DPP6: variants seen among roughly 807,000 people sequenced by gnomAD.
The protein encoded by DPP6 is A-type potassium channel modulatory protein DPP6.
In DPP6, 69 loss-of-function variants were observed where a neutral mutation model predicts 122.6. The ratio of observed to expected loss-of-function variants is 0.56; its 90% confidence interval spans 0.46 to 0.69. The LOEUF (loss-of-function observed/expected upper bound fraction) is 0.69. Among genes scored for constraint, DPP6 ranks in the 30% least tolerant of loss-of-function variants. The probability of loss-of-function intolerance (pLI) is 0.00; values close to 1 mark genes in which losing one functional copy is unlikely to be tolerated. For synonymous variants in DPP6, 418 were observed against 433.1 expected (o/e 0.97, Z 0.43); for missense variants, 928 against 1,116.9 (o/e 0.83, Z 2.41).
At chr7:154,186,753 A>T (rs1433889141) in intron 1 of DPP6, among the ~76,000 whole-genome samples, 1 of 152,284 alleles carries the variant, frequency 6.6e-6, no homozygotes, top group Non-Finnish European at 1.5e-5. Flanking sequence ...AATGGGTGAT[A>T]TAATTACTCG....
intron 6 of DPP6, among the ~76,000 whole-genome samples, chr7:154,648,387 A>G (rs1374147993): frequency 1.3e-5 from 2 of 152,058 alleles, no homozygotes; most frequent in Non-Finnish European, 2.9e-5. Flanking sequence ...TTTTGTTTCT[A>G]CGTCACCTCC....
intron 1 of DPP6, among the ~76,000 whole-genome samples, chr7:153,995,848 A>G (rs1051341772): frequency 5.9e-5 from 9 of 152,308 alleles, no homozygotes; most frequent in African/African-American, 2.2e-4. Flanking sequence ...ATGAAACATC[A>G]CTTCCTCCAA....
At chr7:153,795,808 C>A in the DPP6 span, among the ~76,000 whole-genome samples, 2 of 150,178 alleles carry the variant, frequency 1.3e-5, no homozygotes, top group Non-Finnish European at 3.0e-5. Flanking sequence ...TTCTCATTCC[C>A]TTGAAAATTC....
At chr7:154,011,916 C>T (rs192699956) in intron 1 of DPP6, among the ~76,000 whole-genome samples, 1 of 152,148 alleles carries the variant, frequency 6.6e-6, no homozygotes, top group Non-Finnish European at 1.5e-5. Flanking sequence ...GACATTAAGA[C>T]CTGTAATAGT....
chr7:154,218,665 A>G (rs1311753390), intron 1 of DPP6, among the ~76,000 whole-genome samples: 2 of 152,158 alleles, frequency 1.3e-5, no homozygotes, highest in Non-Finnish European at 2.9e-5. Flanking sequence ...ATGATTCATC[A>G]TTTTCCTTGT....
chr7:154,804,098 T>G, intron 14 of DPP6, 143 bp downstream of exon 14: 1 of 1,087,318 alleles, frequency 9.2e-7, no homozygotes, highest in Non-Finnish European at 1.3e-6. Flanking sequence ...CCTAGTTTCT[T>G]CATGAAAATG....
upstream of DPP6, among the ~76,000 whole-genome samples, chr7:154,051,935 C>T (rs1563133476): frequency 6.6e-6 from 1 of 151,852 alleles, no homozygotes. Flanking sequence ...CCCAGGTCCT[C>T]GGGGTGTCTC....
At chr7:154,665,844 C>A (rs1472645502) in intron 6 of DPP6, among the ~76,000 whole-genome samples, 1 of 151,886 alleles carries the variant, frequency 6.6e-6, no homozygotes, top group African/African-American at 2.4e-5. Flanking sequence ...TTCCCCTTTT[C>A]CTTATAACGT....
intron 7 of DPP6, among the ~76,000 whole-genome samples, chr7:154,711,939 T>TACAC (rs57187871): frequency 0.016 from 1,004 of 63,804 alleles, 9 homozygotes; most frequent in East Asian, 0.027. Context: ...TGTCACTTAA[T>TACAC]ACACACACAC....
chr7:154,285,325 C>T (rs184608062), intron 1 of DPP6, among the ~76,000 whole-genome samples: 10 of 152,152 alleles, frequency 6.6e-5, no homozygotes, highest in East Asian at 5.8e-4. Flanking sequence ...AGTGCAGTGG[C>T]GCAGTCTTGG....
At chr7:153,762,135 C>T in the DPP6 span, among the ~76,000 whole-genome samples, 4 of 152,114 alleles carry the variant, frequency 2.6e-5, no homozygotes, top group Admixed American at 1.3e-4. Flanking sequence ...CTCAAGGGCC[C>T]TATAGGGTTT....
rs778665987 is a variant in DPP6, at chr7:153,898,499, G to A, written c.51+10765G>A. 5.3e-5 allele frequency among the ~76,000 whole-genome samples: 8 copies of A among 152,204 alleles called. No homozygotes were observed. The South Asian group carries it at 1.5e-3, about 28-fold the overall frequency. On this transcript the variant is annotated intron_variant, in intron 1 of 25. Coordinates refer to the DPP6 transcript ENST00000404039. ...AGAGAAGATTTGAAATGTTCCCAAC[G>A]TGAAAAAATGATCACTGTTTGAGGT... is the stretch of plus-strand genomic sequence containing the variant.
At chr7:153,812,153 C>T in the DPP6 span, among the ~76,000 whole-genome samples, 5 of 152,086 alleles carry the variant, frequency 3.3e-5, no homozygotes, top group Non-Finnish European at 5.9e-5. Context: ...AAAAGAGCAA[C>T]GGTGATATTG....
chr7:154,227,158 G>C (rs1800653194), intron 1 of DPP6, among the ~76,000 whole-genome samples: 1 of 149,720 alleles, frequency 6.7e-6, no homozygotes, highest in South Asian at 2.1e-4. Context: ...CACAATAGCT[G>C]AGATGTGGAG....
intron 10 of DPP6, among the ~76,000 whole-genome samples, chr7:154,779,325 C>T (rs1796888583): frequency 6.6e-6 from 1 of 150,818 alleles, no homozygotes; most frequent in Admixed American, 6.6e-5. Flanking sequence ...ATCGCCTCCA[C>T]CACCACCACC....
intron 1 of DPP6, chr7:154,094,730 G>C (rs1210634422): frequency 1.3e-5 from 2 of 152,098 alleles, no homozygotes; most frequent in Non-Finnish European, 2.9e-5. Flanking sequence ...GCAGATGCAC[G>C]GACAGGCAGG....
chr7:153,780,947 C>A, the DPP6 span, among the ~76,000 whole-genome samples: 1 of 150,862 alleles, frequency 6.6e-6, no homozygotes, highest in East Asian at 1.9e-4. Flanking sequence ...CAATAAATAT[C>A]ATTTCAAACT....
intron 1 of DPP6, among the ~76,000 whole-genome samples, chr7:153,944,520 G>A (rs1342777315): frequency 1.3e-5 from 2 of 152,134 alleles, no homozygotes; most frequent in African/African-American, 4.8e-5. Flanking sequence ...TCTCCTTAGA[G>A]GGATAGCCAG....
chr7:154,381,408 A>G (rs1813594018), intron 1 of DPP6, among the ~76,000 whole-genome samples: 1 of 152,138 alleles, frequency 6.6e-6, no homozygotes, highest in African/African-American at 2.4e-5. Flanking sequence ...ACTCATATAC[A>G]CCTACACATG....
Sources: allele counts gnomAD v4.1 joint callset (sites outside exome capture counted in the v4.1 genomes callset), GRCh38; gene constraint gnomAD v4.1.1; transcripts MANE v1.5; gene names NCBI Gene and HGNC (gene_info 2026-07-23, HGNC 2026-07-21).